TDRP: variants seen among roughly 807,000 people sequenced by gnomAD.
TDRP encodes the protein testis development-related protein.
Under a neutral mutation model 10.5 loss-of-function variants are expected in TDRP, and 12 were observed. The observed-to-expected ratio is 1.15, with a 90% CI of 0.73 to 1.86. The LOEUF is 1.86. TDRP is among the 40% of genes most tolerant of loss of function. TDRP has a pLI of 0.00. For missense variants in TDRP, 353 were observed against 229.2 expected (o/e 1.54, Z -3.49); for synonymous variants, 139 against 95.4 (o/e 1.46, Z -2.67).
intron 1 of TDRP, among the ~76,000 whole-genome samples, chr8:532,967 T>C (rs1488404356): frequency 6.6e-6 from 1 of 152,148 alleles, no homozygotes; most frequent in Non-Finnish European, 1.5e-5. Context: ...AAAAGTTTGC[T>C]GACTCCTGCT....
intron 1 of TDRP, among the ~76,000 whole-genome samples, chr8:513,056 C>T (rs939525175): frequency 6.6e-6 from 1 of 150,786 alleles, no homozygotes; most frequent in Non-Finnish European, 1.5e-5. Context: ...GATATGTTTG[C>T]TACTAAATCC....
At chr8:501,042 T>TA (rs1481739685) in intron 1 of TDRP, among the ~76,000 whole-genome samples, 6 of 152,076 alleles carry the variant, frequency 3.9e-5, no homozygotes, top group African/African-American at 1.4e-4. Flanking sequence ...CCGTCTCTAC[T>TA]AAAAATACAA....
At chr8:493,993 G>GGTTT (rs1276975207) in intron 2 of TDRP, among the ~76,000 whole-genome samples, 1 of 106,528 alleles carries the variant, frequency 9.4e-6, no homozygotes, top group African/African-American at 3.6e-5. Flanking sequence ...CATTTCTGTT[G>GGTTT]TTTTTTTTTT....
At chr8:540,869 T>A (rs1329592071) in intron 1 of TDRP, among the ~76,000 whole-genome samples, 2 of 148,830 alleles carry the variant, frequency 1.3e-5, no homozygotes, top group African/African-American at 5.0e-5. Context: ...AGGACGGATA[T>A]GATTGCAAAC....
rs370439622 is a variant in TDRP, at chr8:492,097, G to A, written c.*302C>T. ...CATGAAAATCATTTTGTGAGAAACT[G>A]CAAATCATTACTGCTGTATTATGGG... On this transcript the variant is annotated 3_prime_UTR_variant, in exon 3 of 3. Transcript: ENST00000324079. The A allele has an allele frequency of 2.5e-6, 3 of 1,186,664 alleles. No homozygotes were observed. Among genetic ancestry groups the A allele is most frequent in the Non-Finnish European group, 3.1e-6 (3 of 959,860 alleles). The allele number at this position is 1,186,664 out of a possible 1,614,324, so 73.5% of individuals were successfully genotyped here.
At chr8:498,151 G>A (rs1362257855) in intron 1 of TDRP, among the ~76,000 whole-genome samples, 1 of 152,180 alleles carries the variant, frequency 6.6e-6, no homozygotes, top group African/African-American at 2.4e-5. Context: ...AGAGCTGTGA[G>A]AAGAGGGCCA....
chr8:508,534 C>G (rs538501557), intron 1 of TDRP, among the ~76,000 whole-genome samples: 32 of 152,302 alleles, frequency 2.1e-4, no homozygotes, highest in Non-Finnish European at 4.0e-4. Flanking sequence ...ATAAAACCAT[C>G]AGATCTCATG....
intron 2 of TDRP, 148 bp from the exon 3 acceptor site, chr8:492,892 A>T (rs1048689528): frequency 4.2e-6 from 3 of 710,330 alleles, no homozygotes; most frequent in Non-Finnish European, 6.5e-6. Flanking sequence ...AAATATTAAA[A>T]TTAAGGAAAA....
intron 1 of TDRP, among the ~76,000 whole-genome samples, chr8:518,149 C>T (rs1012378030): frequency 6.6e-6 from 1 of 152,122 alleles, no homozygotes. Flanking sequence ...GTATGTTCGT[C>T]AATTTTAACA....
chr8:509,777 C>G (rs963836487), intron 1 of TDRP, among the ~76,000 whole-genome samples: 5 of 152,188 alleles, frequency 3.3e-5, no homozygotes, highest in Non-Finnish European at 7.3e-5. Context: ...ATTTCTCCCC[C>G]AAAAATAGCT....
Position 492,520 on chromosome 8 carries a change from T to A in TDRP, c.437A>T (p.Tyr146Phe). The A allele has an allele frequency of 6.2e-7, 1 of 1,610,530 alleles. No homozygotes were observed. Among genetic ancestry groups the A allele is most frequent in the Non-Finnish European group, 8.5e-7 (1 of 1,178,198 alleles). The change falls in exon 3 of 3, where the codon TAC becomes TTC. Residue 146 changes from tyrosine to phenylalanine, a missense_variant. Transcript: ENST00000324079. ...WEDDAKGSTK[Y>F]TSLASSANSS... ...GTTGGCAGAGCTGGCCAGGCTGGTG[T>A]ACTTGGTCGAGCCCTTGGCGTCATC...
rs578111089 is a variant in TDRP at position 535,118 on chromosome 8, T to G, written c.108+9532A>C. 1.6e-4 allele frequency among the ~76,000 whole-genome samples: 24 copies of G among 152,354 alleles called. No individual in the cohort carries two copies. The South Asian group carries it at 5.0e-3, about 32-fold the overall frequency. On this transcript the variant is annotated intron_variant, in intron 1 of 2. Transcript: ENST00000324079. ...AATATTGTACTTCCATCTGAAAGAT[T>G]AGAAAGCTACATCATGGTTTTAATA... is the stretch of plus-strand genomic sequence containing the variant.
At chr8:499,926 G>A (rs976781206) in intron 1 of TDRP, among the ~76,000 whole-genome samples, 1 of 152,218 alleles carries the variant, frequency 6.6e-6, no homozygotes, top group African/African-American at 2.4e-5. Context: ...GGGGCATGAA[G>A]AAAGTTCTCC....
chr8:544,378 G>T (rs1387333108), intron 1 of TDRP, among the ~76,000 whole-genome samples: 3 of 152,052 alleles, frequency 2.0e-5, no homozygotes, highest in South Asian at 4.1e-4. Flanking sequence ...TGCAAGCGGC[G>T]AGAACGCCGG....
At chr8:498,206 A>C (rs566227291) in intron 1 of TDRP, among the ~76,000 whole-genome samples, 1 of 152,178 alleles carries the variant, frequency 6.6e-6, no homozygotes, top group Non-Finnish European at 1.5e-5. Flanking sequence ...CGAACCATGC[A>C]CCTGAAAAAG....
At chr8:525,849 A>C (rs912248865) in intron 1 of TDRP, among the ~76,000 whole-genome samples, 11 of 152,176 alleles carry the variant, frequency 7.2e-5, no homozygotes, top group Non-Finnish European at 1.5e-4. Context: ...AAATGGACGA[A>C]ACTCTCCAAT....
intron 1 of TDRP, among the ~76,000 whole-genome samples, chr8:533,849 A>G (rs1455795897): frequency 1.3e-5 from 2 of 152,180 alleles, no homozygotes; most frequent in Admixed American, 1.3e-4. Context: ...AGCGCTTCTC[A>G]CTTGCTAATT....
intron 1 of TDRP, among the ~76,000 whole-genome samples, chr8:515,326 T>C (rs777870210): frequency 2.6e-4 from 40 of 152,230 alleles, no homozygotes; most frequent in Non-Finnish European, 4.7e-4. Context: ...ACTATGAGTA[T>C]ATACATTATG....
chr8:533,409 C>T (rs769085759), intron 1 of TDRP, among the ~76,000 whole-genome samples: 2 of 152,190 alleles, frequency 1.3e-5, no homozygotes, highest in Non-Finnish European at 2.9e-5. Flanking sequence ...CTTTCACCTG[C>T]AGCTGCTTTT....
Sources: allele counts gnomAD v4.1 joint callset (sites outside exome capture counted in the v4.1 genomes callset), GRCh38; gene constraint gnomAD v4.1.1; transcripts MANE v1.5; gene names NCBI Gene and HGNC (gene_info 2026-07-23, HGNC 2026-07-21).